SYTL4: variants seen among roughly 807,000 people sequenced by gnomAD.
The protein encoded by SYTL4 is synaptotagmin-like protein 4.
In SYTL4, 16 loss-of-function variants were observed where a neutral mutation model predicts 52.7. That is an observed-to-expected ratio of 0.30 (90% CI 0.21 to 0.46). SYTL4 has a LOEUF of 0.46. Ranked by LOEUF, SYTL4 falls within the 20% of genes least tolerant of loss-of-function variation. SYTL4 has a pLI of 1.00. For missense variants in SYTL4, 423 were observed against 519.9 expected, an observed-to-expected ratio of 0.81 and a Z score of 1.81; for synonymous variants, 160 against 186.6, an observed-to-expected ratio of 0.86 and a Z score of 1.16.
chrX:100,716,321 T>C (rs2084209902), intron 2 of SYTL4, among the ~76,000 whole-genome samples: 1 of 105,833 alleles, frequency 9.4e-6, no homozygotes, highest in Admixed American at 1.0e-4. Flanking sequence ...TGGTGGTGCA[T>C]GCCTGTAATC....
intron 9 of SYTL4, 122 bp from the exon 10 acceptor site, chrX:100,690,760 G>C: frequency 4.0e-6 from 2 of 497,173 alleles, no homozygotes; most frequent in Non-Finnish European, 6.5e-6. Flanking sequence ...AAATTCAGAA[G>C]GTACACTTCG....
intron 8 of SYTL4, 145 bp from the exon 9 acceptor site, chrX:100,691,354 T>C: frequency 2.4e-6 from 1 of 414,553 alleles, no homozygotes; most frequent in Non-Finnish European, 4.1e-6. Flanking sequence ...AATAAATTAA[T>C]TAATTAAGAA....
intron 6 of SYTL4, 36 bp downstream of exon 6, chrX:100,701,419 GCCT>G: frequency 1.7e-6 from 2 of 1,184,733 alleles, no homozygotes; most frequent in Non-Finnish European, 2.3e-6. Flanking sequence ...CACGGCCAAG[GCCT>G]CGCCCCCTCT....
At position 100,686,094 on chromosome X, in the gene SYTL4, G is replaced by A. The variant is rs755219463; in HGVS notation, c.1345C>T (p.His449Tyr). The change falls in exon 16 of 20, where the codon CAT becomes TAT. Residue 449 changes from histidine to tyrosine, a missense_variant. Physicochemically the swap from His to Tyr is moderately conservative, Grantham distance 83. Transcript: ENST00000372989. ...AAAGTGTTTCTGCCAAAACGACCAT[G>A]ATGCCAAACTGAGAACTGCAGGGTC... ...QRTLQFSVWHHGRFGRNTFLG... is the reference protein window; with the variant it reads ...QRTLQFSVWHYGRFGRNTFLG... The A allele has an allele frequency of 8.3e-7, 1 of 1,208,979 alleles. No individual in the cohort carries two copies. Among genetic ancestry groups the A allele is most frequent in the Admixed American group, 2.2e-5 (1 of 45,775 alleles).
intron 4 of SYTL4, among the ~76,000 whole-genome samples, 183 bp downstream of exon 4, chrX:100,702,910 T>C (rs750816432): frequency 2.5e-4 from 28 of 111,771 alleles, no homozygotes; most frequent in African/African-American, 9.1e-4. Flanking sequence ...CTATCTTGCA[T>C]AGAGAGAGGA....
At chrX:100,714,445 G>C (rs2084155459) in intron 2 of SYTL4, among the ~76,000 whole-genome samples, 1 of 110,596 alleles carries the variant, frequency 9.0e-6, no homozygotes, top group Non-Finnish European at 1.9e-5. Flanking sequence ...ATTTCTAGTA[G>C]AGACAGGGTT....
At chrX:100,699,424 A>G (rs2083792788) in intron 8 of SYTL4, among the ~76,000 whole-genome samples, 1 of 108,032 alleles carries the variant, frequency 9.3e-6, no homozygotes, top group African/African-American at 3.4e-5. Context: ...AGAAAAAAAA[A>G]GAAAAGAAAA....
intron 8 of SYTL4, among the ~76,000 whole-genome samples, chrX:100,698,806 A>T (rs1456403990): frequency 2.7e-5 from 3 of 112,356 alleles, no homozygotes; most frequent in African/African-American, 9.7e-5. Context: ...TAAGCATACA[A>T]TCCTTTTAAG....
chrX:100,702,758 G>A (rs2083882069), intron 4 of SYTL4, among the ~76,000 whole-genome samples: 1 of 112,492 alleles, frequency 8.9e-6, no homozygotes, highest in South Asian at 3.7e-4. Flanking sequence ...GTAAGGCACA[G>A]TTCCTACCCT....
At chrX:100,724,868 T>A (rs868384042) in intron 2 of SYTL4, among the ~76,000 whole-genome samples, 108 of 78,446 alleles carry the variant, frequency 1.4e-3, no homozygotes, top group East Asian at 1.6e-3. Context: ...GAATGATCAA[T>A]AAAAAGAAAA....
At chrX:100,679,743 TAA>T (rs775382678) in intron 17 of SYTL4, among the ~76,000 whole-genome samples, 2 of 111,705 alleles carry the variant, frequency 1.8e-5, no homozygotes, top group Non-Finnish European at 3.8e-5. Context: ...CTTAGAGACA[TAA>T]AGTTGCCTGA....
At chrX:100,692,094 C>T (rs1187028667) in intron 8 of SYTL4, among the ~76,000 whole-genome samples, 1 of 111,384 alleles carries the variant, frequency 9.0e-6, no homozygotes, top group Non-Finnish European at 1.9e-5. Flanking sequence ...CACTTTTCTT[C>T]ACCTGCCTCA....
intron 8 of SYTL4, among the ~76,000 whole-genome samples, chrX:100,696,887 GA>G (rs369677898): frequency 0.021 from 2,216 of 106,806 alleles, 61 homozygotes; most frequent in African/African-American, 0.071. Flanking sequence ...AAAGTTAGGG[GA>G]AAAAAAAACC....
intron 2 of SYTL4, among the ~76,000 whole-genome samples, chrX:100,727,740 A>G (rs1459577751): frequency 9.0e-6 from 1 of 111,415 alleles, no homozygotes; most frequent in Non-Finnish European, 1.9e-5. Flanking sequence ...GGTCAGCAGG[A>G]CTCCCTCATG....
chrX:100,724,311 C>G (rs2084454914), intron 2 of SYTL4, among the ~76,000 whole-genome samples: 1 of 105,053 alleles, frequency 9.5e-6, no homozygotes, highest in South Asian at 4.4e-4. Context: ...CTCTGCCCGG[C>G]CGCCCCTACT....
At chrX:100,702,297 A>G in intron 4 of SYTL4, among the ~76,000 whole-genome samples, 190 bp from the exon 5 acceptor site, 1 of 112,256 alleles carries the variant, frequency 8.9e-6, no homozygotes, top group East Asian at 2.8e-4. Flanking sequence ...TTGATTTTTC[A>G]GAAAGAAAAA....
At chrX:100,686,851 C>T in intron 14 of SYTL4, 70 bp from the exon 15 acceptor site, 1 of 937,213 alleles carries the variant, frequency 1.1e-6, no homozygotes. Context: ...TTCCTCCTCT[C>T]CATATAGATA....
intron 2 of SYTL4, among the ~76,000 whole-genome samples, chrX:100,712,211 G>A (rs1390304735): frequency 8.9e-6 from 1 of 111,904 alleles, no homozygotes; most frequent in Non-Finnish European, 1.9e-5. Context: ...GGGATACAGA[G>A]CACATGCAAT....
At chrX:100,716,171 C>T (rs2084203673) in intron 2 of SYTL4, among the ~76,000 whole-genome samples, 1 of 107,925 alleles carries the variant, frequency 9.3e-6, no homozygotes, top group Non-Finnish European at 1.9e-5. Context: ...TTGATTTGGC[C>T]GGGAGCGGTG....
Sources: gnomAD v4.1 joint callset for allele counts (sites outside exome capture counted in the v4.1 genomes callset) on GRCh38, gnomAD v4.1.1 for gene constraint, MANE v1.5 for transcripts, NCBI Gene and HGNC (gene_info 2026-07-23, HGNC 2026-07-21) for gene names.